TENM4: variants seen among roughly 807,000 people sequenced by gnomAD.
TENM4 encodes teneurin transmembrane protein 4, also known as teneurin-4.
TENM4 carries 82 observed loss-of-function variants against 243.3 expected under a neutral mutation model. That is an observed-to-expected ratio of 0.34 (90% CI 0.28 to 0.40). The LOEUF is 0.40. Among genes scored for constraint, TENM4 ranks in the 10% least tolerant of loss-of-function variants. The pLI is 1.00. For synonymous variants in TENM4, 1,412 were observed against 1,456.3 expected (o/e 0.97, Z 0.69); for missense variants, 3,138 against 3,673.3 (o/e 0.85, Z 3.77).
chr11:78,899,306 T>C (rs1422402202), intron 7 of TENM4, among the ~76,000 whole-genome samples: 3 of 152,032 alleles, frequency 2.0e-5, no homozygotes, highest in Non-Finnish European at 4.4e-5. Context: ...TAAAATTTAA[T>C]ACCCAGCTGG....
chr11:78,848,152 C>CTT (rs1222205082), intron 12 of TENM4, among the ~76,000 whole-genome samples: 4 of 143,802 alleles, frequency 2.8e-5, no homozygotes, highest in African/African-American at 2.5e-5. Context: ...TCCCTCCCTC[C>CTT]TTTTTTTTTT....
chr11:78,669,663 G>A lies in TENM4; in HGVS notation c.6682C>T (p.Pro2228Ser), dbSNP rs377556160. ...DLNGNLHLLS[P>S]GNSARLTPLR... is the part of the protein sequence containing the mutation. ...GGTGTGAGCCGTGCACTGTTCCCAG[G>A]GCTCAGTAAGTGCAGGTTCCCATTG... The change falls in exon 32 of 34, where the codon CCT (proline) becomes TCT (serine). Residue 2228 changes from proline to serine, a missense_variant. Coordinates refer to ENST00000278550, the MANE Select transcript of TENM4 (RefSeq NM_001098816.3). The surrounding 1 kb of genome is among the most constrained non-coding windows in gnomAD (Gnocchi z 6.4). 1.2e-6 allele frequency: 2 copies of A among 1,613,896 alleles called. No individual in the cohort carries two copies. The highest frequency in any genetic ancestry group is 1.1e-5 in the South Asian group (1 of 91,086).
At position 78,813,232 on chromosome 11, in the gene TENM4, T is replaced by C. The variant is rs144638661; in HGVS notation, c.1784-916A>G. On this transcript the variant is annotated intron_variant, in intron 13 of 33. Transcript: ENST00000278550. ...CTCATGGCATAGTACTTGCAGGGTGTAGTTCACGCAGCCTGGAAAATCATC... is the reference window on the plus strand; with the variant it reads ...CTCATGGCATAGTACTTGCAGGGTGCAGTTCACGCAGCCTGGAAAATCATC... Among the ~76,000 whole-genome samples the C allele has an allele frequency of 8.1e-4, 123 of 152,324 alleles. 1 individual carries two copies. The highest frequency in any genetic ancestry group is 2.9e-3 in the African/African-American group (119 of 41,572).
chr11:79,319,439 G>A (rs78121941), intron 1 of TENM4, among the ~76,000 whole-genome samples: 5 of 152,166 alleles, frequency 3.3e-5, no homozygotes, highest in Admixed American at 2.6e-4. Context: ...TGAACAGCAT[G>A]CTCCTTTTTT....
At chr11:79,433,123 G>A (rs1195141184) in intron 1 of TENM4, among the ~76,000 whole-genome samples, 1 of 152,098 alleles carries the variant, frequency 6.6e-6, no homozygotes. Context: ...ACAAATATAA[G>A]CAACTCCTCT....
chr11:79,043,141 C>G (rs999992640), intron 6 of TENM4, among the ~76,000 whole-genome samples: 1 of 152,230 alleles, frequency 6.6e-6, no homozygotes, highest in Non-Finnish European at 1.5e-5. Context: ...CCTCTTCCCC[C>G]TCTCCAACAC....
At chr11:79,425,494 C>G (rs955422948) in intron 1 of TENM4, among the ~76,000 whole-genome samples, 5 of 143,424 alleles carry the variant, frequency 3.5e-5, no homozygotes, top group Admixed American at 1.4e-4. Flanking sequence ...CCCTAAACTC[C>G]TGGCCATGTT....
At chr11:79,093,980 T>A (rs1861019428) in intron 4 of TENM4, 1 of 152,228 alleles carries the variant, frequency 6.6e-6, no homozygotes, top group Admixed American at 6.5e-5. Context: ...AAGTTACAAA[T>A]TGAGTTCCTT....
intron 16 of TENM4, among the ~76,000 whole-genome samples, chr11:78,782,772 T>TAA (rs11433535): frequency 0.016 from 2,291 of 146,800 alleles, 11 homozygotes; most frequent in African/African-American, 0.018. Context: ...TCTTTTTTTT[T>TAA]AAAAAAAAAA....
At chr11:78,911,151 G>A (rs1223301613) in intron 6 of TENM4, among the ~76,000 whole-genome samples, 1 of 152,196 alleles carries the variant, frequency 6.6e-6, no homozygotes, top group Non-Finnish European at 1.5e-5. Context: ...AAACAGGGGT[G>A]TATGGAAATG....
intron 32 of TENM4, among the ~76,000 whole-genome samples, chr11:78,663,117 GAGAC>G (rs371617002): frequency 2.0e-4 from 30 of 152,266 alleles, no homozygotes; most frequent in Admixed American, 1.0e-3. Context: ...GGGCCAGAGG[GAGAC>G]AGACAGACAG....
chr11:79,404,304 AG>A (rs1339085051), intron 1 of TENM4, among the ~76,000 whole-genome samples: 1 of 152,238 alleles, frequency 6.6e-6, no homozygotes, highest in African/African-American at 2.4e-5. Context: ...TTCATTTCAC[AG>A]GATCTTTAAC....
intron 19 of TENM4, among the ~76,000 whole-genome samples, chr11:78,748,542 C>T (rs1856106757): frequency 6.6e-6 from 1 of 152,178 alleles, no homozygotes; most frequent in Admixed American, 6.5e-5. Context: ...ACTGAAGATG[C>T]TGAGCAGGGA....
chr11:79,299,472 C>A (rs1368846772), intron 1 of TENM4, among the ~76,000 whole-genome samples: 1 of 152,144 alleles, frequency 6.6e-6, no homozygotes, highest in African/African-American at 2.4e-5. Context: ...AAGTTGTTTT[C>A]AAATCCAGGC....
Position 79,064,981 on chromosome 11 carries a change from C to A in TENM4, c.250G>T (p.Gly84Trp). The A allele has an allele frequency of 6.8e-7, 1 of 1,464,140 alleles. No homozygotes were observed. The highest frequency in any genetic ancestry group is 9.1e-7 in the Non-Finnish European group (1 of 1,103,062). The allele number at this position is 1,464,140 out of a possible 1,614,324, so 90.7% of individuals were successfully genotyped here. A position where few individuals can be genotyped will look rare whatever the true frequency, so the allele number is the denominator to read the frequency against. The change falls in exon 6 of 34, where the codon GGG (glycine) becomes TGG (tryptophan). Residue 84 changes from glycine to tryptophan, a missense_variant. By Grantham distance (184) the Gly-to-Trp change is radical. Coordinates refer to ENST00000278550, the MANE Select transcript of TENM4 (RefSeq NM_001098816.3). ...TGANFTLREL[G>W]LEEVTPPHGT... Reference sequence around the variant, plus strand: ...TGAGGGGGCGTTACTTCTTCCAGCCCCAGCTCCCGCAGGGTGAAGTTGGCA... The same window carrying A: ...TGAGGGGGCGTTACTTCTTCCAGCCACAGCTCCCGCAGGGTGAAGTTGGCA...
chr11:78,948,956 G>A (rs1185333103), intron 6 of TENM4, among the ~76,000 whole-genome samples: 3 of 152,150 alleles, frequency 2.0e-5, no homozygotes, highest in African/African-American at 4.8e-5. Flanking sequence ...ACATCTTACT[G>A]CGTCATATTA....
At chr11:78,905,990 A>G (rs1591118262) in intron 6 of TENM4, among the ~76,000 whole-genome samples, 1 of 152,362 alleles carries the variant, frequency 6.6e-6, no homozygotes, top group East Asian at 1.9e-4. Flanking sequence ...TTGGCCTTTC[A>G]GGCTGCTGGC....
chr11:79,026,294 A>C (rs1189560497), intron 6 of TENM4, among the ~76,000 whole-genome samples: 1 of 152,238 alleles, frequency 6.6e-6, no homozygotes, highest in South Asian at 2.1e-4. Flanking sequence ...GGGTTGTTCA[A>C]CCAGGCACTG....
At chr11:79,436,184 G>A (rs1414009102) in intron 1 of TENM4, among the ~76,000 whole-genome samples, 2 of 152,044 alleles carry the variant, frequency 1.3e-5, no homozygotes, top group African/African-American at 4.8e-5. Flanking sequence ...AACTGACAGT[G>A]TTCAATAATA....
Sources: gnomAD v4.1 joint callset for allele counts (sites outside exome capture counted in the v4.1 genomes callset) on GRCh38, gnomAD v4.1.1 for gene constraint, Gnocchi (gnomAD v3.1) non-coding constraint, MANE v1.5 for transcripts, NCBI Gene and HGNC (gene_info 2026-07-23, HGNC 2026-07-21) for gene names.